DCBLD2: variants seen among roughly 807,000 people sequenced by gnomAD.
The protein encoded by DCBLD2 is discoidin, CUB and LCCL domain containing 2.
A neutral mutation model predicts 86.8 loss-of-function variants in DCBLD2; 54 were observed. The ratio of observed to expected loss-of-function variants is 0.62; its 90% confidence interval spans 0.50 to 0.78. The LOEUF is 0.78. Ranked by LOEUF, DCBLD2 falls within the 30% of genes least tolerant of loss-of-function variation. DCBLD2 has a pLI of 0.00. For synonymous variants in DCBLD2, 354 were observed against 341.3 expected (o/e 1.04, Z -0.41); for missense variants, 908 against 954.2 (o/e 0.95, Z 0.64).
rs558409775 is a variant in DCBLD2, at chr3:98,879,536, G to A, written c.433+2004C>T. ...CAAGTAGCTGGGACTACAGGCGCCC[G>A]CCACCACGCCCGGCTCATTTTTTTG... On this transcript the variant is annotated intron_variant, in intron 2 of 15. Transcript: ENST00000326840. Among the ~76,000 whole-genome samples the A allele has an allele frequency of 2.6e-3, 388 of 152,058 alleles. 7 individuals carry two copies. The highest frequency in any genetic ancestry group is 9.0e-3 in the African/African-American group (372 of 41,468).
intron 8 of DCBLD2, among the ~76,000 whole-genome samples, chr3:98,818,223 T>C (rs1942057953): frequency 6.6e-6 from 1 of 152,180 alleles, no homozygotes; most frequent in South Asian, 2.1e-4. Flanking sequence ...ATTGGTATTA[T>C]TTACAGTACC....
intron 2 of DCBLD2, among the ~76,000 whole-genome samples, chr3:98,862,074 A>G (rs574218087): frequency 1.3e-5 from 2 of 152,346 alleles, no homozygotes; most frequent in East Asian, 1.9e-4. Context: ...ACAAACTACC[A>G]TCAGAGAATA....
At chr3:98,836,939 T>C (rs1942473867) in intron 3 of DCBLD2, among the ~76,000 whole-genome samples, 2 of 81,674 alleles carry the variant, frequency 2.4e-5, no homozygotes, top group African/African-American at 5.0e-5. Context: ...CCCACCTCCC[T>C]CCCGGACGGG....
At chr3:98,863,859 G>C (rs1410822493) in intron 2 of DCBLD2, among the ~76,000 whole-genome samples, 3 of 152,128 alleles carry the variant, frequency 2.0e-5, no homozygotes, top group African/African-American at 7.2e-5. Flanking sequence ...TGACAAATGG[G>C]ATCTAATTAA....
chr3:98,869,540 T>C (rs1234048838), intron 2 of DCBLD2, among the ~76,000 whole-genome samples: 1 of 152,238 alleles, frequency 6.6e-6, no homozygotes, highest in Non-Finnish European at 1.5e-5. Flanking sequence ...CTAGGGCTTC[T>C]TCTAAAATTG....
At chr3:98,892,263 TA>T (rs927918927) in intron 1 of DCBLD2, among the ~76,000 whole-genome samples, 1 of 152,082 alleles carries the variant, frequency 6.6e-6, no homozygotes, top group Non-Finnish European at 1.5e-5. Context: ...TCTCCCAAGA[TA>T]AATGTAAAGG....
intron 4 of DCBLD2, among the ~76,000 whole-genome samples, chr3:98,823,870 C>T (rs62278489): frequency 6.6e-6 from 1 of 152,094 alleles, no homozygotes; most frequent in Non-Finnish European, 1.5e-5. Flanking sequence ...AGTCCATGCT[C>T]TTATGCAGGA....
chr3:98,883,648 A>G (rs760133692), intron 1 of DCBLD2, among the ~76,000 whole-genome samples: 7 of 152,196 alleles, frequency 4.6e-5, no homozygotes, highest in East Asian at 3.8e-4. Flanking sequence ...TCAGCATTCC[A>G]TAACAATAAG....
intron 3 of DCBLD2, among the ~76,000 whole-genome samples, chr3:98,845,504 ATC>A (rs2107479510): frequency 6.6e-6 from 1 of 152,264 alleles, no homozygotes; most frequent in African/African-American, 2.4e-5. Context: ...TAATTCAATC[ATC>A]TCTGCTTTGC....
intron 1 of DCBLD2, among the ~76,000 whole-genome samples, chr3:98,896,553 A>C (rs1164430690): frequency 1.3e-5 from 2 of 152,212 alleles, no homozygotes; most frequent in African/African-American, 4.8e-5. Flanking sequence ...CACACTATTA[A>C]AATTACAACT....
chr3:98,871,040 T>C (rs546296940), intron 2 of DCBLD2, among the ~76,000 whole-genome samples: 22 of 152,166 alleles, frequency 1.4e-4, no homozygotes, highest in Admixed American at 2.6e-4. Flanking sequence ...TTTTTTCCTT[T>C]TTTTGCAACA....
chr3:98,901,130 G>A lies in DCBLD2; in HGVS notation c.197C>T (p.Ala66Val). 1 of 1,539,660 alleles carries A rather than the reference G, an allele frequency of 6.5e-7. No homozygotes were observed. Among genetic ancestry groups the A allele is most frequent in the Non-Finnish European group, 8.7e-7 (1 of 1,146,788 alleles). ...CCCCTGGGACCACTCACCTTGCTGG[G>A]CTCCAGCGTCCTCGAGCAGCAGGAG... ...VLLLLLEDAG[A>V]QQGDGCGHTV... The change falls in exon 1 of 16, where the codon GCC becomes GTC. Residue 66 changes from alanine (A) to valine (V), a missense_variant. By Grantham distance (64) the Ala-to-Val change is moderately conservative. Transcript: ENST00000326840.
At chr3:98,888,611 T>C (rs1461893196) in intron 1 of DCBLD2, among the ~76,000 whole-genome samples, 1 of 152,038 alleles carries the variant, frequency 6.6e-6, no homozygotes, top group African/African-American at 2.4e-5. Context: ...AATAAATATT[T>C]GTGAGTACTA....
chr3:98,869,107 C>T (rs577161176), intron 2 of DCBLD2, among the ~76,000 whole-genome samples: 28 of 152,134 alleles, frequency 1.8e-4, no homozygotes, highest in Non-Finnish European at 2.8e-4. Flanking sequence ...TCCCTGTCTG[C>T]GCCAACATCT....
At chr3:98,836,610 A>T (rs1218890446) in intron 3 of DCBLD2, among the ~76,000 whole-genome samples, 11 of 143,770 alleles carry the variant, frequency 7.7e-5, no homozygotes, top group Admixed American at 1.4e-4. Context: ...GCTGTTGGGC[A>T]CACCTCCCAG....
chr3:98,812,266 G>A (rs999673972), intron 10 of DCBLD2, 66 bp downstream of exon 10: 357 of 1,584,520 alleles, frequency 2.3e-4, no homozygotes, highest in Non-Finnish European at 2.8e-4. Flanking sequence ...CTCTCTCTGA[G>A]AACAGCAAAA....
At chr3:98,826,062 A>G (rs905705866) in intron 3 of DCBLD2, among the ~76,000 whole-genome samples, 1 of 152,228 alleles carries the variant, frequency 6.6e-6, no homozygotes, top group Non-Finnish European at 1.5e-5. Context: ...TAAAACTTCT[A>G]AAATTTAACA....
chr3:98,802,266 T>G (rs1941736722), intron 13 of DCBLD2, among the ~76,000 whole-genome samples: 1 of 152,206 alleles, frequency 6.6e-6, no homozygotes, highest in Non-Finnish European at 1.5e-5. Flanking sequence ...TGTGAGATGG[T>G]ATCTCATTGT....
At chr3:98,846,653 C>A (rs1942729782) in intron 3 of DCBLD2, among the ~76,000 whole-genome samples, 1 of 152,018 alleles carries the variant, frequency 6.6e-6, no homozygotes, top group South Asian at 2.1e-4. Flanking sequence ...GTTTTAGTAT[C>A]AAGAAATTCC....
Sources: gnomAD v4.1 joint callset for allele counts (sites outside exome capture counted in the v4.1 genomes callset) on GRCh38, gnomAD v4.1.1 for gene constraint, MANE v1.5 for transcripts, NCBI Gene and HGNC (gene_info 2026-07-23, HGNC 2026-07-21) for gene names.